NUP85: variants seen among roughly 807,000 people sequenced by gnomAD.
The protein encoded by NUP85 is nucleoporin 85.
NUP85 carries 23 observed loss-of-function variants against 92.8 expected under a neutral mutation model. The ratio of observed to expected loss-of-function variants is 0.25; its 90% confidence interval spans 0.18 to 0.35. NUP85 has a LOEUF of 0.35. Among genes scored for constraint, NUP85 ranks in the 10% least tolerant of loss-of-function variants. The pLI is 1.00. For synonymous variants in NUP85, 314 were observed against 306.9 expected (o/e 1.02, Z -0.24); for missense variants, 759 against 822.8 (o/e 0.92, Z 0.95).
At chr17:75,213,246 T>C in intron 5 of NUP85, 127 bp downstream of exon 5, 1 of 733,010 alleles carries the variant, frequency 1.4e-6, no homozygotes, top group Non-Finnish European at 2.4e-6. Flanking sequence ...GCAGCTCCTT[T>C]GGGTGACAGT....
chr17:75,220,855 C>G (rs2075575877), intron 7 of NUP85, among the ~76,000 whole-genome samples: 1 of 148,978 alleles, frequency 6.7e-6, no homozygotes, highest in South Asian at 2.1e-4. Context: ...GATTTGCCTG[C>G]CTCCCTCCAT....
At chr17:75,233,986 G>A (rs113249864) in intron 16 of NUP85, among the ~76,000 whole-genome samples, 7,493 of 151,680 alleles carry the variant, frequency 0.049, 617 homozygotes, top group African/African-American at 0.17. Flanking sequence ...CGCCCGCCTC[G>A]GCCTCCCAAA....
chr17:75,232,777 C>G lies in NUP85; in HGVS notation c.1397-74C>G. On this transcript the variant is annotated intron_variant, in intron 14 of 18. Coordinates refer to ENST00000245544, the MANE Select transcript of NUP85 (RefSeq NM_024844.5). ...GTGGAGTGAGGCTGTGAGGCCACTC[C>G]GGTCCCCACAGGGCTCAGGAATGGA... 14 of 1,348,604 alleles carry G rather than the reference C, an allele frequency of 1.0e-5. No homozygotes were observed. The South Asian group carries it at 1.5e-4, about 15-fold the overall frequency. The allele number at this position is 1,348,604 out of a possible 1,614,324, so 83.5% of individuals were successfully genotyped here. A position where few individuals can be genotyped will look rare whatever the true frequency, so the allele number is the denominator to read the frequency against.
chr17:75,214,091 G>T (rs747575633), intron 5 of NUP85, among the ~76,000 whole-genome samples: 1 of 151,906 alleles, frequency 6.6e-6, no homozygotes, highest in Non-Finnish European at 1.5e-5. Context: ...TGATCTGCCT[G>T]CCTCAGCCTC....
chr17:75,230,317 A>G lies in NUP85; in HGVS notation c.1095-1023A>G, dbSNP rs1255669413. ...CTCGGCCTTTCAGTGTTGGGATTAC[A>G]GGAATGAGCCACTGCACCCGGCCAA... On this transcript the variant is annotated intron_variant, in intron 11 of 18. Transcript: ENST00000245544. Among the ~76,000 whole-genome samples the G allele has an allele frequency of 4.0e-5, 6 of 151,046 alleles. No individual in the cohort carries two copies. The East Asian group carries it at 9.7e-4, about 24-fold the overall frequency.
chr17:75,224,524 CTG>C (rs1208086204), intron 7 of NUP85, among the ~76,000 whole-genome samples: 1 of 151,564 alleles, frequency 6.6e-6, no homozygotes, highest in East Asian at 2.0e-4. Flanking sequence ...ACATGTTTTT[CTG>C]TTTCTTTCAT....
rs373011633 is a variant in NUP85, at chr17:75,205,713, G to C, written c.-49G>C. 5.0e-6 allele frequency: 8 copies of C among 1,611,964 alleles called. No individual in the cohort carries two copies. The highest frequency in any genetic ancestry group is 3.3e-5 in the South Asian group (3 of 91,008). On this transcript the variant is annotated 5_prime_UTR_variant, in exon 1 of 19. Coordinates refer to ENST00000245544, the MANE Select transcript of NUP85 (RefSeq NM_024844.5). ...CCAGCTCTGAGCGGGAGGCCTGAGCGGGAAGCATTGGCGTCCGAGCGACTT... is the reference window on the plus strand; with the variant it reads ...CCAGCTCTGAGCGGGAGGCCTGAGCCGGAAGCATTGGCGTCCGAGCGACTT...
intron 5 of NUP85, among the ~76,000 whole-genome samples, chr17:75,214,173 G>C (rs1345785352): frequency 2.6e-5 from 4 of 152,086 alleles, no homozygotes; most frequent in Non-Finnish European, 5.9e-5. Flanking sequence ...AGTTGCAAGT[G>C]GCTCTACTTT....
At chr17:75,215,275 A>T (rs1455578858) in intron 5 of NUP85, among the ~76,000 whole-genome samples, 1 of 152,188 alleles carries the variant, frequency 6.6e-6, no homozygotes, top group African/African-American at 2.4e-5. Flanking sequence ...TAGTGGCACG[A>T]TTATGGCTCA....
intron 7 of NUP85, among the ~76,000 whole-genome samples, chr17:75,224,678 A>G (rs918374334): frequency 6.6e-6 from 1 of 152,082 alleles, no homozygotes. Context: ...CTAAAAACAC[A>G]AAAATTAGCT....
chr17:75,224,041 ATTTTGTTTTG>A (rs1355396896), intron 7 of NUP85, among the ~76,000 whole-genome samples: 1 of 151,256 alleles, frequency 6.6e-6, no homozygotes, highest in Non-Finnish European at 1.5e-5. Flanking sequence ...ATTTTGTTTT[ATTTTGTTTTG>A]TTTTGTTTTT....
At position 75,231,848 on chromosome 17, in the gene NUP85, A is replaced by T; in HGVS notation, c.1265A>T (p.Asp422Val). ...TGCAGCCTGTGGCAGCTGGGGGTCG[A>T]TTACTTTGATTACTGCCCCGAGCTG... ...AHPSLWQLGV[D>V]YFDYCPELGR... The change falls in exon 14 of 19, where the codon GAT becomes GTT. Residue 422 changes from aspartate to valine, a missense_variant. Physicochemically the swap from Asp to Val is radical, Grantham distance 152 (BLOSUM62 -3). Transcript: ENST00000245544. The surrounding 1 kb of genome is among the most constrained non-coding windows in gnomAD (Gnocchi z 4.6). The T allele has an allele frequency of 6.2e-7, 1 of 1,614,068 alleles. No individual in the cohort carries two copies. The highest frequency in any genetic ancestry group is 8.5e-7 in the Non-Finnish European group (1 of 1,179,986).
intron 5 of NUP85, among the ~76,000 whole-genome samples, chr17:75,213,846 A>C (rs1186409738): frequency 2.9e-5 from 4 of 139,518 alleles, no homozygotes; most frequent in African/African-American, 8.2e-5. Flanking sequence ...GAGCTGCCAC[A>C]CCTGGCAAAA....
chr17:75,228,914 G>C (rs1462222014), intron 11 of NUP85: 3 of 985,300 alleles, frequency 3.0e-6, no homozygotes, highest in Non-Finnish European at 3.6e-6. Flanking sequence ...GTGCCTGGGT[G>C]GGCATGCTTG....
intron 11 of NUP85, chr17:75,227,806 T>G (rs2075878898): frequency 6.6e-6 from 1 of 151,838 alleles, no homozygotes; most frequent in Admixed American, 6.6e-5. Flanking sequence ...CCTGGCTAAT[T>G]ATTATTTTTT....
rs1568095281 is a variant in NUP85 at position 75,233,095 on chromosome 17, G to C, written c.1552G>C (p.Asp518His). ...TTACTGTGAGCGAGGCTGCTTTTCT[G>C]ATTTGGATCTCATTGACAACCTGGG... ...RDYCERGCFS[D>H]LDLIDNLGPA... Residue 518 changes from aspartate to histidine, a missense_variant, in exon 16 of 19, where the codon GAT becomes CAT. Physicochemically the swap from Asp to His is moderately conservative, Grantham distance 81. Transcript: ENST00000245544. The C allele has an allele frequency of 6.8e-6, 11 of 1,614,172 alleles. No homozygotes were observed. The highest frequency in any genetic ancestry group is 9.3e-6 in the Non-Finnish European group (11 of 1,180,040).
intron 9 of NUP85, 35 bp from the exon 10 acceptor site, chr17:75,225,663 G>A: frequency 6.2e-7 from 1 of 1,612,518 alleles, no homozygotes; most frequent in South Asian, 1.1e-5. Context: ...ACCCCTGAGA[G>A]GAGGACAGAG....
intron 11 of NUP85, chr17:75,228,778 GC>G: frequency 1.0e-6 from 1 of 985,328 alleles, no homozygotes. Context: ...TTCTAAGTGG[GC>G]CCCTGATTTA....
At position 75,231,665 on chromosome 17, in the gene NUP85, TATGCGGGTGCTCTTCAGC is replaced by T. The variant is rs146201831; in HGVS notation, c.1244+38_1244+55del. ...TAGGAAGGACCCCATGGGTGTGGGCTATGCGGGTGCTCTTCAGCATGCGGGTGCCATTGGAGCTTGGAC... is the reference window on the plus strand; with the variant it reads ...TAGGAAGGACCCCATGGGTGTGGGCTATGCGGGTGCCATTGGAGCTTGGAC... On this transcript the variant is annotated intron_variant, in intron 13 of 18. Transcript: ENST00000245544. This position sits in a 1 kb window ranked among gnomAD's most constrained non-coding sequence, Gnocchi z 4.6. 22,467 of 1,612,820 alleles carry T rather than the reference TATGCGGGTGCTCTTCAGC, an allele frequency of 0.014. 1,014 individuals are homozygous for T. Among genetic ancestry groups the T allele is most frequent in the African/African-American group, 0.1 (7,564 of 74,952 alleles).
Sources: gnomAD v4.1 joint callset for allele counts (sites outside exome capture counted in the v4.1 genomes callset) on GRCh38, gnomAD v4.1.1 for gene constraint, Gnocchi (gnomAD v3.1) non-coding constraint, MANE v1.5 for transcripts, NCBI Gene and HGNC (gene_info 2026-07-23, HGNC 2026-07-21) for gene names.